CEP89: variants seen among roughly 807,000 people sequenced by gnomAD.
The protein encoded by CEP89 is centrosomal protein of 89 kDa.
A neutral mutation model predicts 97.6 loss-of-function variants in CEP89; 95 were observed. That is an observed-to-expected ratio of 0.97 (90% confidence interval 0.82 to 1.15). The LOEUF is 1.15. Among genes scored for constraint, CEP89 ranks in the 50% most tolerant of loss-of-function variants. The probability of loss-of-function intolerance (pLI) is 0.00; values close to 1 mark genes in which losing one functional copy is unlikely to be tolerated. For missense variants in CEP89, 869 were observed against 947.7 expected (o/e 0.92, Z 1.09); for synonymous variants, 354 against 349.1 (o/e 1.01, Z -0.16).
At chr19:32,890,344 G>A (rs1969486503) in intron 16 of CEP89, among the ~76,000 whole-genome samples, 1 of 152,182 alleles carries the variant, frequency 6.6e-6, no homozygotes, top group Non-Finnish European at 1.5e-5. Context: ...AGGTTGCAGT[G>A]AGCCAAGATT....
chr19:32,965,273 T>C (rs10414123), intron 2 of CEP89, among the ~76,000 whole-genome samples: 76,142 of 151,858 alleles, frequency 0.5, 20,362 homozygotes, highest in African/African-American at 0.7. Context: ...TGGTGGTGTG[T>C]ACCTGTAGTC....
chr19:32,956,795 G>A (rs1347651091), intron 3 of CEP89, among the ~76,000 whole-genome samples: 5 of 152,070 alleles, frequency 3.3e-5, no homozygotes, highest in Non-Finnish European at 4.4e-5. Flanking sequence ...ACATAAAAGC[G>A]ATTAAAAAGG....
chr19:32,957,080 G>A lies in CEP89; in HGVS notation c.305+2820C>T, dbSNP rs546402472. On this transcript the variant is annotated intron_variant, in intron 3 of 18. Transcript: ENST00000305768. ...TTCAGTATGCTTGTAGAAACACTAC[G>A]TTCACCTCAGGGCATTCCTGGGCAC... Among the ~76,000 whole-genome samples the A allele has an allele frequency of 8.5e-5, 13 of 152,276 alleles. 1 individual carries two copies. Among genetic ancestry groups the A allele is most frequent in the African/African-American group, 2.6e-4 (11 of 41,564 alleles).
chr19:32,956,049 CTT>C (rs202179963), intron 3 of CEP89, among the ~76,000 whole-genome samples: 5 of 105,764 alleles, frequency 4.7e-5, no homozygotes, highest in African/African-American at 1.8e-4. Flanking sequence ...CAATTTGGTT[CTT>C]TTTTTTTTTT....
rs371496455 is a variant in CEP89, at chr19:32,937,428, C to T, written c.667+203G>A. On this transcript the variant is annotated intron_variant, in intron 7 of 18. Coordinates refer to ENST00000305768, the MANE Select transcript of CEP89 (RefSeq NM_032816.5). ...AGGTCCACGTCCCCCCAGGTCCAAC[C>T]CCCACCCTCCCAGGACCCAAGCACA... is the stretch of plus-strand genomic sequence containing the variant. 23 of 553,762 alleles carry T rather than the reference C, an allele frequency of 4.2e-5. No homozygotes were observed. In the African/African-American group the frequency reaches 4.3e-4, roughly 10 times the overall value. The allele number at this position is 553,762 out of a possible 1,614,324, so 34.3% of individuals were successfully genotyped here. A position where few individuals can be genotyped will look rare whatever the true frequency, so the allele number is the denominator to read the frequency against.
chr19:32,937,630 C>G lies in CEP89; in HGVS notation c.667+1G>C. On this transcript the variant is annotated splice_donor_variant, in intron 7 of 18. Coordinates refer to ENST00000305768, the MANE Select transcript of CEP89 (RefSeq NM_032816.5). LOFTEE classifies it high-confidence loss of function. The stretch of plus-strand genomic sequence containing the variant: ...CATAATATAATTCAAAAGGCAAATA[C>G]CTGGGGAGGGTGGAGGTTTCTCACA... 1 of 1,598,504 alleles carries G rather than the reference C, an allele frequency of 6.3e-7. No homozygotes were observed. The highest frequency in any genetic ancestry group is 8.6e-7 in the Non-Finnish European group (1 of 1,167,192).
chr19:32,902,873 A>G lies in CEP89; in HGVS notation c.1566-1461T>C, dbSNP rs140222420. Among the ~76,000 whole-genome samples, 11 of 152,380 alleles carry G rather than the reference A, an allele frequency of 7.2e-5. No homozygotes were observed. The East Asian group carries it at 2.1e-3, about 29-fold the overall frequency. ...AACAGTAGGCAGAACAATTTCTGACATGCACAAAGAACAGGAAATAGTTCA... is the reference window on the plus strand; with the variant it reads ...AACAGTAGGCAGAACAATTTCTGACGTGCACAAAGAACAGGAAATAGTTCA... On this transcript the variant is annotated intron_variant, in intron 14 of 18. Transcript: ENST00000305768.
chr19:32,880,625 C>A (rs1274116318), intron 18 of CEP89, among the ~76,000 whole-genome samples: 39 of 129,684 alleles, frequency 3.0e-4, no homozygotes, highest in Admixed American at 1.4e-3. Flanking sequence ...GGCAACAGAG[C>A]AAGACCTTGT....
At chr19:32,923,287 AG>A in intron 12 of CEP89, 151 bp downstream of exon 12, 1 of 463,896 alleles carries the variant, frequency 2.2e-6, no homozygotes, top group Non-Finnish European at 3.8e-6. Context: ...ATAATTTATT[AG>A]GGTTTTATTG....
At chr19:32,960,547 T>G (rs1020084909) in intron 2 of CEP89, among the ~76,000 whole-genome samples, 1 of 152,112 alleles carries the variant, frequency 6.6e-6, no homozygotes, top group Non-Finnish European at 1.5e-5. Flanking sequence ...CGGTGGCTCA[T>G]GCTTATAATC....
intron 3 of CEP89, among the ~76,000 whole-genome samples, chr19:32,956,570 T>C (rs1435390009): frequency 2.6e-5 from 4 of 152,078 alleles, no homozygotes; most frequent in Admixed American, 1.3e-4. Flanking sequence ...TCTCACTTTG[T>C]TGCCCAGGCT....
intron 2 of CEP89, among the ~76,000 whole-genome samples, chr19:32,964,059 T>C (rs983593854): frequency 3.2e-4 from 49 of 152,110 alleles, no homozygotes; most frequent in African/African-American, 1.1e-3. Flanking sequence ...AATGGGACAA[T>C]GACCTTGGAA....
At chr19:32,887,872 GT>G in intron 16 of CEP89, 31 bp from the exon 17 acceptor site, 1 of 1,231,966 alleles carries the variant, frequency 8.1e-7, no homozygotes, top group Non-Finnish European at 1.2e-6. Context: ...TGGGCTCTCA[GT>G]TTTACAGAAA....
chr19:32,887,234 T>C (rs1369841539), intron 17 of CEP89, among the ~76,000 whole-genome samples: 5 of 151,610 alleles, frequency 3.3e-5, no homozygotes, highest in African/African-American at 1.2e-4. Flanking sequence ...TGGTTTTTTT[T>C]TGAGACAGGG....
At chr19:32,918,168 G>T in intron 13 of CEP89, 56 bp downstream of exon 13, 3 of 1,380,544 alleles carry the variant, frequency 2.2e-6, no homozygotes, top group African/African-American at 1.4e-5. Flanking sequence ...AGATAGAAGG[G>T]TAAAATGACA....
intron 17 of CEP89, 54 bp from the exon 18 acceptor site, chr19:32,882,067 C>A: frequency 6.7e-7 from 1 of 1,481,818 alleles, no homozygotes. Context: ...CCAGGGTGGA[C>A]AGTGCCTCCT....
Position 32,927,165 on chromosome 19 carries a change from T to C in CEP89, c.1030-181A>G, listed in dbSNP as rs199973081. Among the ~76,000 whole-genome samples, 410 of 115,492 alleles carry C rather than the reference T, an allele frequency of 3.6e-3. 16 individuals carry two copies. The East Asian group carries it at 0.082, about 23-fold the overall frequency. The allele number at this position is 115,492 out of a possible 152,430, so 75.8% of individuals were successfully genotyped here. A position where few individuals can be genotyped will look rare whatever the true frequency, so the allele number is the denominator to read the frequency against. On this transcript the variant is annotated intron_variant, in intron 9 of 18. Transcript: ENST00000305768. ...CCATCCATCCATCCATCCATCCATC[T>C]ATCCATCCATCCATCCATCCATCCA...
chr19:32,926,815 G>A (rs1490220911), intron 10 of CEP89, 119 bp downstream of exon 10: 2 of 814,886 alleles, frequency 2.5e-6, no homozygotes, highest in Non-Finnish European at 4.1e-6. Flanking sequence ...ACCCGCCTCA[G>A]CCTTCCAAAG....
intron 16 of CEP89, among the ~76,000 whole-genome samples, chr19:32,895,241 C>T (rs1242350794): frequency 6.6e-6 from 1 of 152,006 alleles, no homozygotes; most frequent in Admixed American, 6.6e-5. Context: ...TACTAGCAAA[C>T]CAAATTCAAC....
Sources: gnomAD v4.1 joint callset for allele counts (sites outside exome capture counted in the v4.1 genomes callset) on GRCh38, gnomAD v4.1.1 for gene constraint, MANE v1.5 for transcripts, NCBI Gene and HGNC (gene_info 2026-07-23, HGNC 2026-07-21) for gene names.